The following RFPL1 variants were observed in gnomAD, a reference collection of about 807,000 sequenced individuals.
RFPL1 encodes the protein ret finger protein like 1, also known as ret finger protein-like 1.
A neutral mutation model predicts 9.6 loss-of-function variants in RFPL1; 6 were observed. The ratio of observed to expected loss-of-function variants is 0.62; its 90% confidence interval spans 0.34 to 1.23. The LOEUF (loss-of-function observed/expected upper bound fraction) is 1.23. RFPL1 is among the 50% of genes most tolerant of loss of function. The pLI is 0.03. For missense variants in RFPL1, 352 were observed against 398.4 expected (o/e 0.88, Z 0.99); for synonymous variants, 145 against 149.4 (o/e 0.97, Z 0.22).
chr22:29,418,022 C>T, the RFPL1 span, among the ~76,000 whole-genome samples: 1 of 150,674 alleles, frequency 6.6e-6, no homozygotes, highest in Admixed American at 6.6e-5. Context: ...GCCTCTGCCT[C>T]CTGGGTTCCA....
the RFPL1 span, among the ~76,000 whole-genome samples, chr22:29,422,696 T>G: frequency 2.6e-5 from 4 of 151,774 alleles, no homozygotes; most frequent in Non-Finnish European, 5.9e-5. Flanking sequence ...TGAGCCAAGA[T>G]CGCGCCACTG....
chr22:29,437,685 G>A (rs1476366801), upstream of RFPL1: 15 of 1,585,990 alleles, frequency 9.5e-6, no homozygotes, highest in East Asian at 2.3e-5. Context: ...AGACCTGAGC[G>A]CCCAGTGGAA....
the RFPL1 span, among the ~76,000 whole-genome samples, chr22:29,392,855 C>T: frequency 6.6e-6 from 1 of 152,182 alleles, no homozygotes; most frequent in South Asian, 2.1e-4. Flanking sequence ...ACTTAAATAG[C>T]ATGTGAGTGA....
At chr22:29,393,218 T>C in the RFPL1 span, among the ~76,000 whole-genome samples, 3,654 of 152,270 alleles carry the variant, frequency 0.024, 132 homozygotes, top group African/African-American at 0.082. Flanking sequence ...GTGAAGCGCC[T>C]CTGCATATTA....
chr22:29,396,104 T>G, the RFPL1 span, among the ~76,000 whole-genome samples: 3 of 152,210 alleles, frequency 2.0e-5, no homozygotes, highest in Admixed American at 6.5e-5. Flanking sequence ...AGGCCCAGGC[T>G]CTCAACCCCA....
chr22:29,405,878 G>C, the RFPL1 span, among the ~76,000 whole-genome samples: 1 of 151,916 alleles, frequency 6.6e-6, no homozygotes, highest in Admixed American at 6.6e-5. Context: ...GGGAGGCCGA[G>C]GCGGGTGGAT....
At chr22:29,390,035 A>C in the RFPL1 span, among the ~76,000 whole-genome samples, 2 of 152,172 alleles carry the variant, frequency 1.3e-5, no homozygotes, top group Non-Finnish European at 2.9e-5. Context: ...CCTGACCTCA[A>C]GTGATCTGCC....
the RFPL1 span, among the ~76,000 whole-genome samples, chr22:29,405,550 A>G: frequency 6.6e-6 from 1 of 152,200 alleles, no homozygotes; most frequent in East Asian, 1.9e-4. Context: ...AACCATCCCA[A>G]AGAAATATTG....
chr22:29,427,137 T>C, the RFPL1 span, among the ~76,000 whole-genome samples: 13 of 152,360 alleles, frequency 8.5e-5, 1 homozygote, highest in Middle Eastern at 3.4e-3. Context: ...AGGCCTGGCC[T>C]GGCCACCCAG....
At chr22:29,429,080 G>C in the RFPL1 span, among the ~76,000 whole-genome samples, 1 of 152,120 alleles carries the variant, frequency 6.6e-6, no homozygotes, top group Non-Finnish European at 1.5e-5. Context: ...GTTTTAGATA[G>C]GGTCTCGCTC....
At chr22:29,397,296 T>G in the RFPL1 span, among the ~76,000 whole-genome samples, 1 of 152,164 alleles carries the variant, frequency 6.6e-6, no homozygotes, top group African/African-American at 2.4e-5. Flanking sequence ...GTGTTTCCGT[T>G]TCTGTGCTTG....
the RFPL1 span, among the ~76,000 whole-genome samples, chr22:29,430,711 G>A: frequency 6.6e-6 from 1 of 152,096 alleles, no homozygotes; most frequent in South Asian, 2.1e-4. Flanking sequence ...AGATTTCTTT[G>A]ATCAAAACAT....
the RFPL1 span, among the ~76,000 whole-genome samples, chr22:29,432,270 C>T: frequency 2.0e-5 from 3 of 152,228 alleles, no homozygotes; most frequent in African/African-American, 7.2e-5. Context: ...ACTATGTCCA[C>T]AGTTCCCAGG....
chr22:29,432,671 G>T, the RFPL1 span, among the ~76,000 whole-genome samples: 1 of 152,184 alleles, frequency 6.6e-6, no homozygotes, highest in Admixed American at 6.5e-5. Context: ...AACCACATGT[G>T]GCTGGACCGC....
the RFPL1 span, among the ~76,000 whole-genome samples, chr22:29,394,930 A>T: frequency 6.6e-6 from 1 of 152,012 alleles, no homozygotes; most frequent in East Asian, 1.9e-4. Flanking sequence ...CTGCTTCATG[A>T]GGTTTCATCC....
chr22:29,429,621 CA>C, the RFPL1 span, among the ~76,000 whole-genome samples: 1 of 152,058 alleles, frequency 6.6e-6, no homozygotes, highest in African/African-American at 2.4e-5. Context: ...CAGAAAGAAA[CA>C]AAAAACCTGA....
the RFPL1 span, among the ~76,000 whole-genome samples, chr22:29,408,694 C>A: frequency 6.6e-6 from 1 of 152,184 alleles, no homozygotes; most frequent in Non-Finnish European, 1.5e-5. Context: ...ACTCTAGCGA[C>A]CGGTCACTGG....
At chr22:29,405,837 C>T in the RFPL1 span, among the ~76,000 whole-genome samples, 8 of 152,078 alleles carry the variant, frequency 5.3e-5, no homozygotes, top group African/African-American at 1.7e-4. Context: ...CGGCCGGGCG[C>T]GGTGGCTCAC....
the RFPL1 span, among the ~76,000 whole-genome samples, chr22:29,406,115 CAAAA>C: frequency 2.0e-4 from 2 of 9,764 alleles, no homozygotes; most frequent in Admixed American, 1.5e-3. Flanking sequence ...GACTCCTTCT[CAAAA>C]AAAAAAAAAA....
Sources: gnomAD v4.1 joint callset for allele counts (sites outside exome capture counted in the v4.1 genomes callset) on GRCh38, gnomAD v4.1.1 for gene constraint, MANE v1.5 for transcripts, NCBI Gene and HGNC (gene_info 2026-07-23, HGNC 2026-07-21) for gene names.